The following ARL15 variants were observed in gnomAD, a reference collection of about 807,000 sequenced individuals.
ARL15 encodes ARF like GTPase 15.
ARL15 carries 19 observed loss-of-function variants against 25.2 expected under a neutral mutation model. That is an observed-to-expected ratio of 0.75 (90% CI 0.53 to 1.10). The LOEUF is 1.10. Ranked by LOEUF, ARL15 falls within the 50% of genes least tolerant of loss-of-function variation. The pLI is 0.00. For synonymous variants in ARL15, 94 were observed against 86.8 expected (o/e 1.08, Z -0.46); for missense variants, 220 against 246.0 (o/e 0.89, Z 0.71).
chr5:54,099,303 A>G (rs186373092), intron 4 of ARL15, among the ~76,000 whole-genome samples: 3 of 152,300 alleles, frequency 2.0e-5, no homozygotes, highest in Admixed American at 2.0e-4. Flanking sequence ...CTTGGTATCA[A>G]ATTTCACAAG....
intron 4 of ARL15, among the ~76,000 whole-genome samples, chr5:53,995,440 CT>C (rs1327172683): frequency 2.7e-5 from 4 of 149,554 alleles, no homozygotes; most frequent in African/African-American, 9.9e-5. Context: ...TTAAAAATGA[CT>C]ATACTGCTTA....
In ARL15 at chr5:54,104,494, A is replaced by G. The variant is rs552357754; in HGVS notation, c.462+8708T>C. Among the ~76,000 whole-genome samples, 6 of 152,266 alleles carry G rather than the reference A, an allele frequency of 3.9e-5. No homozygotes were observed. The South Asian group carries it at 1.2e-3, about 32-fold the overall frequency. Reference sequence around the variant, plus strand: ...TGCTTAATGCTGAAGTCTTCTCTCTAAAGAATAATCTAAAGACTCCTCCTT... The same window carrying G: ...TGCTTAATGCTGAAGTCTTCTCTCTGAAGAATAATCTAAAGACTCCTCCTT... On this transcript the variant is annotated intron_variant, in intron 4 of 4. Coordinates refer to ENST00000504924, the MANE Select transcript of ARL15 (RefSeq NM_019087.3).
intron 4 of ARL15, among the ~76,000 whole-genome samples, chr5:53,973,717 T>C (rs1399901332): frequency 6.6e-6 from 1 of 151,908 alleles, no homozygotes; most frequent in Non-Finnish European, 1.5e-5. Flanking sequence ...CCAGCCTGCA[T>C]GGTAGAGAAA....
At chr5:54,219,963 C>T (rs1756324101) in intron 1 of ARL15, among the ~76,000 whole-genome samples, 1 of 152,050 alleles carries the variant, frequency 6.6e-6, no homozygotes, top group Non-Finnish European at 1.5e-5. Flanking sequence ...AAACATATTT[C>T]TTTGCAATGA....
intron 1 of ARL15, among the ~76,000 whole-genome samples, chr5:54,235,940 A>G (rs1359034122): frequency 2.0e-5 from 3 of 152,230 alleles, no homozygotes; most frequent in African/African-American, 7.2e-5. Flanking sequence ...TAATTAATTC[A>G]AAGAACTGTA....
At chr5:54,104,942 A>T (rs1203083172) in intron 4 of ARL15, among the ~76,000 whole-genome samples, 2 of 151,992 alleles carry the variant, frequency 1.3e-5, no homozygotes, top group Non-Finnish European at 2.9e-5. Flanking sequence ...TATGTCTCAA[A>T]TCCTTAGTTC....
chr5:53,912,841 G>A (rs531036281), intron 4 of ARL15, among the ~76,000 whole-genome samples: 39 of 152,274 alleles, frequency 2.6e-4, no homozygotes, highest in Admixed American at 4.6e-4. Context: ...AAGATAGAGC[G>A]GTGAACAAAG....
intron 2 of ARL15, among the ~76,000 whole-genome samples, chr5:54,161,533 C>G (rs915189330): frequency 1.3e-5 from 2 of 152,136 alleles, no homozygotes; most frequent in Non-Finnish European, 2.9e-5. Context: ...TATCTATTCT[C>G]TAGTAAAGTT....
intron 4 of ARL15, among the ~76,000 whole-genome samples, chr5:53,918,830 T>TG: frequency 6.7e-6 from 1 of 149,070 alleles, no homozygotes; most frequent in African/African-American, 2.5e-5. Context: ...AAGTTGACAG[T>TG]AAAAAAAAAA....
At chr5:54,258,168 C>CA (rs773543108) in intron 1 of ARL15, among the ~76,000 whole-genome samples, 6,375 of 121,604 alleles carry the variant, frequency 0.052, 167 homozygotes, top group Non-Finnish European at 0.057. Flanking sequence ...TTTGTTTCTA[C>CA]AAAAAAAAAA....
intron 1 of ARL15, among the ~76,000 whole-genome samples, chr5:54,292,007 T>C (rs1323131435): frequency 6.6e-6 from 1 of 152,172 alleles, no homozygotes; most frequent in African/African-American, 2.4e-5. Context: ...TGAAGACAAA[T>C]AGCCCCAATC....
intron 1 of ARL15, among the ~76,000 whole-genome samples, chr5:54,303,634 G>A (rs1160467652): frequency 5.3e-5 from 7 of 131,002 alleles, no homozygotes; most frequent in African/African-American, 2.1e-4. Flanking sequence ...CTCCAGCCTG[G>A]ATGACAGAGT....
At chr5:54,139,925 T>C (rs1306971374) in intron 3 of ARL15, among the ~76,000 whole-genome samples, 1 of 152,228 alleles carries the variant, frequency 6.6e-6, no homozygotes, top group Non-Finnish European at 1.5e-5. Flanking sequence ...CATTTCTAAA[T>C]TGAAAGCATA....
At chr5:54,119,143 C>T (rs1244276623) in intron 3 of ARL15, among the ~76,000 whole-genome samples, 1 of 152,124 alleles carries the variant, frequency 6.6e-6, no homozygotes, top group Non-Finnish European at 1.5e-5. Flanking sequence ...TTGCACAGCT[C>T]CAGTTAAATT....
intron 4 of ARL15, among the ~76,000 whole-genome samples, chr5:53,945,796 G>T (rs1011507472): frequency 6.6e-6 from 1 of 152,140 alleles, no homozygotes; most frequent in East Asian, 1.9e-4. Context: ...GTAAAATGTA[G>T]TGTTCTCATT....
intron 4 of ARL15, among the ~76,000 whole-genome samples, chr5:53,905,407 AAATAT>A (rs984211095): frequency 3.3e-4 from 50 of 152,346 alleles, no homozygotes; most frequent in African/African-American, 9.4e-4. Flanking sequence ...CCTTGTTATT[AAATAT>A]AATATTAGTT....
At chr5:54,071,979 G>GAAAAAAAAAAAAAAAA (rs71989027) in intron 4 of ARL15, among the ~76,000 whole-genome samples, 2 of 126,178 alleles carry the variant, frequency 1.6e-5, no homozygotes, top group African/African-American at 3.1e-5. Flanking sequence ...CTCAAAAAAA[G>GAAAAAAAAAAAAAAAA]AAAAAAAAAA....
At chr5:54,159,703 G>A (rs1289366655) in intron 2 of ARL15, among the ~76,000 whole-genome samples, 1 of 152,146 alleles carries the variant, frequency 6.6e-6, no homozygotes, top group East Asian at 1.9e-4. Context: ...AGCTACATTA[G>A]TAAGACTGAA....
intron 4 of ARL15, among the ~76,000 whole-genome samples, chr5:54,108,153 T>C (rs1222798590): frequency 6.6e-6 from 1 of 152,178 alleles, no homozygotes; most frequent in Non-Finnish European, 1.5e-5. Flanking sequence ...AAATGATTGC[T>C]AATTCAGAAA....
Sources: gnomAD v4.1 joint callset for allele counts (sites outside exome capture counted in the v4.1 genomes callset) on GRCh38, gnomAD v4.1.1 for gene constraint, MANE v1.5 for transcripts, NCBI Gene and HGNC (gene_info 2026-07-23, HGNC 2026-07-21) for gene names.